The following SLC2A7 variants were observed in gnomAD, a reference collection of about 807,000 sequenced individuals.
The protein encoded by SLC2A7 is solute carrier family 2, facilitated glucose transporter member 7.
SLC2A7 carries 50 observed loss-of-function variants against 50.5 expected under a neutral mutation model. The observed-to-expected ratio is 0.99, with a 90% confidence interval of 0.79 to 1.25. The LOEUF (loss-of-function observed/expected upper bound fraction) is 1.25. SLC2A7 is among the 50% of genes most tolerant of loss of function. SLC2A7 has a pLI of 0.00. For synonymous variants in SLC2A7, 308 were observed against 300.4 expected, an observed-to-expected ratio of 1.03 and a Z score of -0.26; for missense variants, 683 against 679.1, an observed-to-expected ratio of 1.01 and a Z score of -0.06.
At chr1:9,018,103 C>A in intron 5 of SLC2A7, 120 bp downstream of exon 5, 1 of 1,374,584 alleles carries the variant, frequency 7.3e-7, no homozygotes, top group Non-Finnish European at 9.9e-7. Context: ...GCCCACCACA[C>A]TGCCCAACAC....
chr1:9,000,831 G>GGT (rs141503937), downstream of SLC2A7, among the ~76,000 whole-genome samples: 13 of 151,272 alleles, frequency 8.6e-5, no homozygotes, highest in African/African-American at 2.9e-4. Context: ...CAGTGCCCCA[G>GGT]GTGTGAGGAG....
Position 9,026,388 on chromosome 1 carries a change from G to T in SLC2A7, c.-43C>A. ...AACAGGTGTGCTCTACCTCCCAAGT[G>T]ACACCTGCTCTGCGCCAGCCACCTA... On this transcript the variant is annotated 5_prime_UTR_variant, in exon 1 of 12. Coordinates refer to ENST00000400906, the MANE Select transcript of SLC2A7 (RefSeq NM_207420.3). The T allele has an allele frequency of 1.9e-6, 3 of 1,561,698 alleles. No individual in the cohort carries two copies. The highest frequency in any genetic ancestry group is 1.2e-5 in the South Asian group (1 of 84,478).
Position 9,014,854 on chromosome 1 carries a change from T to G in SLC2A7, c.730A>C (p.Arg244=). The G allele has an allele frequency of 6.2e-7, 1 of 1,601,256 alleles. No homozygotes were observed. Among genetic ancestry groups the G allele is most frequent in the Non-Finnish European group, 8.5e-7 (1 of 1,174,744 alleles). ...ATARQALRRL[R]GHTDMEAELE... Reference sequence around the variant, plus strand: ...TCGGCCTCCATGTCCGTGTGGCCTCTCAGCCTCCTCAGAGCTGCGGAAAGC... The same window carrying G: ...TCGGCCTCCATGTCCGTGTGGCCTCGCAGCCTCCTCAGAGCTGCGGAAAGC... Residue 244 remains arginine (R), a synonymous_variant, in exon 7 of 12, where the codon AGA becomes CGA. Transcript: ENST00000400906.
intron 9 of SLC2A7, among the ~76,000 whole-genome samples, chr1:9,009,691 C>T (rs111378287): frequency 0.036 from 5,486 of 152,274 alleles, 323 homozygotes; most frequent in African/African-American, 0.13. Flanking sequence ...CTCCTGGGCT[C>T]AATGGGTCCT....
intron 8 of SLC2A7, 41 bp from the exon 9 acceptor site, chr1:9,010,285 G>C (rs1640727587): frequency 6.6e-7 from 1 of 1,521,060 alleles, no homozygotes; most frequent in African/African-American, 1.4e-5. Context: ...CCTTGGCCTG[G>C]CGCCCACGGT....
At chr1:9,015,348 G>T in intron 5 of SLC2A7, 106 bp from the exon 6 acceptor site, 1 of 1,387,394 alleles carries the variant, frequency 7.2e-7, no homozygotes, top group East Asian at 2.6e-5. Flanking sequence ...AGGACTGTGG[G>T]GACTTCATTC....
Position 9,008,640 on chromosome 1 carries a change from C to T in SLC2A7, c.1117-1255G>A, listed in dbSNP as rs561641895. Among the ~76,000 whole-genome samples the T allele has an allele frequency of 2.0e-5, 3 of 150,626 alleles. 1 individual carries two copies. Among genetic ancestry groups the T allele is most frequent in the African/African-American group, 7.3e-5 (3 of 40,962 alleles). On this transcript the variant is annotated intron_variant, in intron 9 of 11. Transcript: ENST00000400906. This position sits in a 1 kb window ranked among gnomAD's most constrained non-coding sequence, Gnocchi z 5.9. ...TTTAGACAGAATCTCGCTCTGTCAC[C>T]CAGGCTGGAGCAGTGCTGTGATCTT...
rs1640686475 is a variant in SLC2A7, at chr1:9,008,197, A to G, written c.1117-812T>C. ...GTGCCCCCAGATGAACTTCCCAGGG[A>G]ACCCTGTAGTCACAGTTATGAGACG... On this transcript the variant is annotated intron_variant, in intron 9 of 11. Transcript: ENST00000400906. This position sits in a 1 kb window ranked among gnomAD's most constrained non-coding sequence, Gnocchi z 5.9. 1.3e-5 allele frequency among the ~76,000 whole-genome samples: 2 copies of G among 152,152 alleles called. No individual in the cohort carries two copies. The highest frequency in any genetic ancestry group is 6.5e-5 in the Admixed American group (1 of 15,268).
At chr1:9,007,557 G>T (rs559207271) in intron 9 of SLC2A7, among the ~76,000 whole-genome samples, 172 bp from the exon 10 acceptor site, 2 of 152,292 alleles carry the variant, frequency 1.3e-5, no homozygotes, top group South Asian at 4.1e-4. Context: ...TGAGAACCAG[G>T]CCTTGTAGCC....
At chr1:9,003,834 G>A (rs1246115468) in intron 11 of SLC2A7, among the ~76,000 whole-genome samples, 1 of 152,004 alleles carries the variant, frequency 6.6e-6, no homozygotes, top group Non-Finnish European at 1.5e-5. Context: ...CTCCAGCCTG[G>A]GCAACAGAGC....
chr1:8,992,813 G>A, the SLC2A7 span, among the ~76,000 whole-genome samples: 1 of 152,138 alleles, frequency 6.6e-6, no homozygotes, highest in African/African-American at 2.4e-5. Flanking sequence ...GCCCTCAGGT[G>A]ACCAATCCCC....
At chr1:9,025,197 C>T in intron 1 of SLC2A7, 123 bp from the exon 2 acceptor site, 4 of 1,012,858 alleles carry the variant, frequency 3.9e-6, no homozygotes, top group Non-Finnish European at 4.4e-6. Context: ...CAGGCCGTGC[C>T]CCCGGAAAAG....
intron 5 of SLC2A7, 147 bp from the exon 6 acceptor site, chr1:9,015,389 C>G: frequency 9.5e-7 from 1 of 1,057,108 alleles, no homozygotes; most frequent in Non-Finnish European, 1.3e-6. Flanking sequence ...ATGGTTTCCA[C>G]ATTCAAAACG....
rs564696517 is a variant in SLC2A7, at chr1:9,008,374, C to T, written c.1117-989G>A. Among the ~76,000 whole-genome samples the T allele has an allele frequency of 1.5e-4, 23 of 152,230 alleles. No homozygotes were observed. The highest frequency in any genetic ancestry group is 3.9e-4 in the Admixed American group (6 of 15,286). On this transcript the variant is annotated intron_variant, in intron 9 of 11. Coordinates refer to ENST00000400906, the MANE Select transcript of SLC2A7 (RefSeq NM_207420.3). This position sits in a 1 kb window ranked among gnomAD's most constrained non-coding sequence, Gnocchi z 5.9. ...GGCCATTCAACACTTCAAGCAAAAG[C>T]GAGGCTGGCTGGGTTGGTGGGGCCG...
chr1:9,001,564 G>T (rs1290556738), downstream of SLC2A7, among the ~76,000 whole-genome samples: 1 of 151,762 alleles, frequency 6.6e-6, no homozygotes. Context: ...GACTATAGGC[G>T]CACATGACCG....
At chr1:9,020,414 A>G (rs1640894947) in intron 3 of SLC2A7, among the ~76,000 whole-genome samples, 1 of 152,078 alleles carries the variant, frequency 6.6e-6, no homozygotes, top group South Asian at 2.1e-4. Flanking sequence ...AAGGCTGAAA[A>G]ACCACAAGCC....
chr1:8,995,148 C>A, the SLC2A7 span, among the ~76,000 whole-genome samples: 1 of 149,776 alleles, frequency 6.7e-6, no homozygotes, highest in Non-Finnish European at 1.5e-5. Context: ...GGCTTACTAG[C>A]ATATATTTTA....
At chr1:9,022,067 T>G (rs188961482) in intron 3 of SLC2A7, among the ~76,000 whole-genome samples, 1 of 152,238 alleles carries the variant, frequency 6.6e-6, no homozygotes, top group East Asian at 1.9e-4. Context: ...CAAGAAGAGG[T>G]CCTATGAATC....
chr1:9,007,013 T>G (rs1369148081), intron 10 of SLC2A7, among the ~76,000 whole-genome samples: 1 of 152,140 alleles, frequency 6.6e-6, no homozygotes, highest in Non-Finnish European at 1.5e-5. Flanking sequence ...GGTGTCTGAC[T>G]GGCATAAGCT....
Sources: allele counts gnomAD v4.1 joint callset (sites outside exome capture counted in the v4.1 genomes callset), GRCh38; gene constraint gnomAD v4.1.1; non-coding constraint Gnocchi (gnomAD v3.1); transcripts MANE v1.5; gene names NCBI Gene and HGNC (gene_info 2026-07-23, HGNC 2026-07-21).